RIPOR2: variants seen among roughly 807,000 people sequenced by gnomAD.
RIPOR2 encodes the protein rho family-interacting cell polarization regulator 2.
Under a neutral mutation model 114.5 loss-of-function variants are expected in RIPOR2, and 39 were observed. The observed-to-expected ratio is 0.34, with a 90% CI of 0.26 to 0.44. The LOEUF (loss-of-function observed/expected upper bound fraction) is 0.44. Ranked by LOEUF, RIPOR2 falls within the 20% of genes least tolerant of loss-of-function variation. RIPOR2 has a pLI of 1.00. For missense variants in RIPOR2, 1,007 were observed against 1,255.1 expected (o/e 0.80, Z 2.99); for synonymous variants, 445 against 484.4 (o/e 0.92, Z 1.07).
At chr6:24,890,043 G>A (rs1260684856) in intron 1 of RIPOR2, among the ~76,000 whole-genome samples, 2 of 151,988 alleles carry the variant, frequency 1.3e-5, no homozygotes, top group African/African-American at 2.4e-5. Flanking sequence ...ACAGGTATGC[G>A]CCACCACGCC....
At chr6:24,937,206 G>A (rs1017472988), upstream of RIPOR2, among the ~76,000 whole-genome samples, 8 of 152,270 alleles carry the variant, frequency 5.3e-5, no homozygotes, top group Admixed American at 3.3e-4. Context: ...ATCACCAATT[G>A]TTGTCAATCA....
chr6:24,836,552 G>T (rs899747904), intron 14 of RIPOR2, among the ~76,000 whole-genome samples: 1 of 152,140 alleles, frequency 6.6e-6, no homozygotes, highest in Non-Finnish European at 1.5e-5. Context: ...TGCGTACTAG[G>T]GAGGGTGGCA....
intron 7 of RIPOR2, among the ~76,000 whole-genome samples, chr6:24,863,522 T>TC (rs1486625948): frequency 6.6e-6 from 1 of 152,232 alleles, no homozygotes; most frequent in African/African-American, 2.4e-5. Context: ...TCTCCTCATT[T>TC]CAGAGATCTG....
At chr6:24,925,112 T>C (rs964430074) in intron 1 of RIPOR2, among the ~76,000 whole-genome samples, 1 of 152,344 alleles carries the variant, frequency 6.6e-6, no homozygotes, top group African/African-American at 2.4e-5. Context: ...ACCATTCTTA[T>C]CTTGCAGGTA....
chr6:24,829,692 C>T (rs966884038), intron 17 of RIPOR2, among the ~76,000 whole-genome samples: 2 of 152,184 alleles, frequency 1.3e-5, no homozygotes, highest in African/African-American at 4.8e-5. Flanking sequence ...TATCCATTCT[C>T]TTGTGGGCAT....
At chr6:24,941,800 A>G (rs1772147136) in intron 1 of RIPOR2, among the ~76,000 whole-genome samples, 1 of 152,188 alleles carries the variant, frequency 6.6e-6, no homozygotes, top group Admixed American at 6.5e-5. Context: ...AAGCATTTTC[A>G]GGGATCACTG....
At chr6:24,891,641 T>C (rs1767368741) in intron 1 of RIPOR2, among the ~76,000 whole-genome samples, 2 of 152,254 alleles carry the variant, frequency 1.3e-5, no homozygotes, top group South Asian at 4.1e-4. Flanking sequence ...GACAAAAGAA[T>C]ACATTAGAGG....
chr6:24,851,258 GT>G (rs1762873354), intron 9 of RIPOR2, among the ~76,000 whole-genome samples: 1 of 152,150 alleles, frequency 6.6e-6, no homozygotes, highest in African/African-American at 2.4e-5. Context: ...GTTTTCTGTA[GT>G]AAAAGGTCAT....
chr6:24,866,844 T>C (rs1419311715), intron 6 of RIPOR2, among the ~76,000 whole-genome samples: 1 of 152,228 alleles, frequency 6.6e-6, no homozygotes, highest in Non-Finnish European at 1.5e-5. Context: ...TGAATTTTCA[T>C]TTCAGTATGA....
chr6:25,027,406 G>A (rs889048776), intron 1 of RIPOR2, among the ~76,000 whole-genome samples: 10 of 152,184 alleles, frequency 6.6e-5, no homozygotes, highest in African/African-American at 1.9e-4. Context: ...AAAAGTCTAC[G>A]AGCTGGCCTC....
chr6:25,002,031 C>A (rs984719369), intron 1 of RIPOR2, among the ~76,000 whole-genome samples: 1 of 152,104 alleles, frequency 6.6e-6, no homozygotes, highest in Non-Finnish European at 1.5e-5. Flanking sequence ...TTCTCTGATG[C>A]AACTATTCAG....
chr6:24,973,089 A>C (rs1295676462), intron 1 of RIPOR2, among the ~76,000 whole-genome samples: 2 of 149,676 alleles, frequency 1.3e-5, no homozygotes, highest in East Asian at 4.0e-4. Flanking sequence ...AGGGAAAAAG[A>C]AAGCATCTAT....
chr6:24,840,880 T>C, intron 13 of RIPOR2: 1 of 1,093,266 alleles, frequency 9.1e-7, no homozygotes, highest in Non-Finnish European at 1.3e-6. Context: ...CACTCACTAG[T>C]GATGTTTTCA....
Position 24,804,582 on chromosome 6 carries a change from G to C in RIPOR2, c.*1791C>G, listed in dbSNP as rs977954273. 3 of 152,226 alleles carry C rather than the reference G, an allele frequency of 2.0e-5. No individual in the cohort carries two copies. Among genetic ancestry groups the C allele is most frequent in the Admixed American group, 1.3e-4 (2 of 15,290 alleles). The allele number at this position is 152,226 out of a possible 1,614,324, so 9.4% of individuals were successfully genotyped here. On this transcript the variant is annotated 3_prime_UTR_variant, in exon 22 of 22. Coordinates refer to ENST00000643898, the MANE Select transcript of RIPOR2 (RefSeq NM_001286445.3). Reference sequence around the variant, plus strand: ...AGACTGTACAATGTACCTTTAAAGTGAAGGATGTATGAATATATATAATAT... The same window carrying C: ...AGACTGTACAATGTACCTTTAAAGTCAAGGATGTATGAATATATATAATAT...
At chr6:24,838,666 T>C (rs891158210) in intron 14 of RIPOR2, among the ~76,000 whole-genome samples, 3 of 152,034 alleles carry the variant, frequency 2.0e-5, no homozygotes, top group African/African-American at 7.2e-5. Flanking sequence ...TGGTGGCGGG[T>C]GCCTGTAGTC....
chr6:24,822,799 C>T (rs576330470), intron 19 of RIPOR2, among the ~76,000 whole-genome samples: 6 of 152,302 alleles, frequency 3.9e-5, no homozygotes, highest in Middle Eastern at 3.4e-3. Flanking sequence ...GGATTACAGG[C>T]GTGAGCCACT....
At chr6:25,001,874 T>C (rs1162556455) in intron 1 of RIPOR2, among the ~76,000 whole-genome samples, 1 of 151,006 alleles carries the variant, frequency 6.6e-6, no homozygotes, top group Non-Finnish European at 1.5e-5. Context: ...TATTTTTTTC[T>C]TTTTTTTGTA....
At chr6:25,019,645 G>A (rs1220261476) in intron 1 of RIPOR2, among the ~76,000 whole-genome samples, 7 of 150,874 alleles carry the variant, frequency 4.6e-5, no homozygotes, top group East Asian at 3.9e-4. Context: ...GTGGTGGCAC[G>A]TGCCTGTAAG....
chr6:24,992,519 G>T (rs1774867336), intron 1 of RIPOR2, among the ~76,000 whole-genome samples: 1 of 152,148 alleles, frequency 6.6e-6, no homozygotes, highest in African/African-American at 2.4e-5. Flanking sequence ...GACCAGGTAG[G>T]TGAAAGATCT....
Sources: gnomAD v4.1 joint callset for allele counts (sites outside exome capture counted in the v4.1 genomes callset) on GRCh38, gnomAD v4.1.1 for gene constraint, MANE v1.5 for transcripts, NCBI Gene and HGNC (gene_info 2026-07-23, HGNC 2026-07-21) for gene names.